CPNE1: variants seen among roughly 807,000 people sequenced by gnomAD.
CPNE1 encodes the protein copine 1.
In CPNE1, 58 loss-of-function variants were observed where a neutral mutation model predicts 63.2. That is an observed-to-expected ratio of 0.92 (90% CI 0.74 to 1.14). CPNE1 has a LOEUF of 1.14. CPNE1 is among the 50% of genes most tolerant of loss of function. CPNE1 has a pLI of 0.00. For synonymous variants in CPNE1, 237 were observed against 249.0 expected (o/e 0.95, Z 0.45); for missense variants, 672 against 661.7 (o/e 1.02, Z -0.17).
chr20:35,635,058 T>C (rs1269929335), intron 1 of CPNE1, among the ~76,000 whole-genome samples: 1 of 151,976 alleles, frequency 6.6e-6, no homozygotes, highest in East Asian at 1.9e-4. Context: ...AGTTTGTTTC[T>C]ACCCCAAACA....
chr20:35,655,087 A>G, intron 1 of CPNE1: 1 of 1,614,136 alleles, frequency 6.2e-7, no homozygotes, highest in Non-Finnish European at 8.5e-7. Flanking sequence ...CATATTCTGC[A>G]TTTCCGTCTT....
chr20:35,642,406 T>C (rs569727520), intron 1 of CPNE1, among the ~76,000 whole-genome samples: 1 of 152,320 alleles, frequency 6.6e-6, no homozygotes, highest in Admixed American at 6.5e-5. Context: ...ACCAATGTCA[T>C]GCTCACACTC....
intron 1 of CPNE1, among the ~76,000 whole-genome samples, chr20:35,645,761 C>T (rs1335604663): frequency 1.3e-5 from 2 of 152,176 alleles, no homozygotes; most frequent in African/African-American, 2.4e-5. Flanking sequence ...AGCACAGGGA[C>T]CCTACTGGTC....
intron 1 of CPNE1, among the ~76,000 whole-genome samples, chr20:35,637,375 G>C (rs931302305): frequency 1.3e-5 from 2 of 152,026 alleles, no homozygotes; most frequent in Non-Finnish European, 2.9e-5. Flanking sequence ...TGGTAGTTTT[G>C]CAATCTGGTA....
intron 1 of CPNE1, among the ~76,000 whole-genome samples, chr20:35,641,573 A>AAT (rs2032812974): frequency 6.6e-6 from 1 of 152,228 alleles, no homozygotes; most frequent in Non-Finnish European, 1.5e-5. Context: ...TCTGAAGATT[A>AAT]ATATAAATAA....
chr20:35,655,549 G>C (rs995371529), intron 1 of CPNE1, among the ~76,000 whole-genome samples: 7 of 152,102 alleles, frequency 4.6e-5, no homozygotes, highest in African/African-American at 1.7e-4. Flanking sequence ...CTTCCAGAAG[G>C]CATTAATTTT....
At chr20:35,654,308 C>A (rs1568937595) in intron 1 of CPNE1, 1 of 1,614,094 alleles carries the variant, frequency 6.2e-7, no homozygotes, top group South Asian at 1.1e-5. Context: ...TTTCGACCTA[C>A]ATGATCTTTC....
chr20:35,643,490 A>C (rs1355022449), intron 1 of CPNE1: 1 of 152,196 alleles, frequency 6.6e-6, no homozygotes, highest in African/African-American at 2.4e-5. Flanking sequence ...AGTGGCTCAC[A>C]CCTGTAATCC....
Position 35,661,431 on chromosome 20 carries a change from T to C in CPNE1, c.-1+3329A>G, listed in dbSNP as rs576425162. Among the ~76,000 whole-genome samples the C allele has an allele frequency of 7.2e-5, 11 of 152,206 alleles. No homozygotes were observed. The South Asian group carries it at 1.9e-3, about 26-fold the overall frequency. On this transcript the variant is annotated intron_variant, in intron 1 of 15. Coordinates refer to ENST00000397443, the MANE Select transcript of CPNE1 (RefSeq NM_152925.3). ...AAAATAATAACTAAACAATAAAACA[T>C]CTAAAATACATATTCTATCTATACA... is the stretch of plus-strand genomic sequence containing the variant.
intron 1 of CPNE1, among the ~76,000 whole-genome samples, chr20:35,659,576 C>T (rs2034116891): frequency 6.6e-6 from 1 of 152,174 alleles, no homozygotes; most frequent in South Asian, 2.1e-4. Context: ...ACTAATTCCA[C>T]TGGAGCTCAA....
chr20:35,639,301 C>T (rs2032667277), intron 1 of CPNE1, among the ~76,000 whole-genome samples: 1 of 151,812 alleles, frequency 6.6e-6, no homozygotes, highest in Non-Finnish European at 1.5e-5. Context: ...TTCAACTTTG[C>T]TACATGTTGA....
chr20:35,626,487 G>A, intron 15 of CPNE1, 80 bp downstream of exon 15: 1 of 1,587,382 alleles, frequency 6.3e-7, no homozygotes, highest in Non-Finnish European at 8.6e-7. Flanking sequence ...GAAAAGGTGA[G>A]CATCCCTTGG....
intron 6 of CPNE1, 61 bp downstream of exon 6, chr20:35,631,884 A>AG: frequency 6.4e-7 from 1 of 1,562,756 alleles, no homozygotes; most frequent in Non-Finnish European, 8.8e-7. Flanking sequence ...AAACCTTGCT[A>AG]GTCACAGGCC....
At chr20:35,633,903 G>GCACTCGGCTCACT (rs377134519) in intron 1 of CPNE1, among the ~76,000 whole-genome samples, 21,693 of 147,678 alleles carry the variant, frequency 0.15, 1,619 homozygotes, top group Middle Eastern at 0.2. Flanking sequence ...AGGTTGCAGT[G>GCACTCGGCTCACT]AGCCGAGACT....
intron 1 of CPNE1, among the ~76,000 whole-genome samples, chr20:35,638,098 A>G (rs1568918886): frequency 6.6e-6 from 1 of 152,166 alleles, no homozygotes; most frequent in African/African-American, 2.4e-5. Flanking sequence ...CCTGTAAACT[A>G]TGGGGTCCTT....
At chr20:35,629,016 ATATTTT>A (rs2031947018) in intron 13 of CPNE1, among the ~76,000 whole-genome samples, 1 of 152,268 alleles carries the variant, frequency 6.6e-6, no homozygotes, top group Non-Finnish European at 1.5e-5. Flanking sequence ...ACATAAACAC[ATATTTT>A]TAATCTTTTT....
chr20:35,644,283 G>C (rs181175798), intron 1 of CPNE1, among the ~76,000 whole-genome samples: 1 of 152,220 alleles, frequency 6.6e-6, no homozygotes, highest in Admixed American at 6.5e-5. Context: ...GAATGCCTCT[G>C]GTCTACCTGC....
At chr20:35,654,110 G>A in intron 1 of CPNE1, 1 of 1,614,214 alleles carries the variant, frequency 6.2e-7, no homozygotes, top group Non-Finnish European at 8.5e-7. Flanking sequence ...AGTGTCTGAG[G>A]AGGGGGATGA....
rs775394811 is a variant in CPNE1, at chr20:35,626,520, G to A, written c.1473+47C>T. 10 of 1,599,500 alleles carry A rather than the reference G, an allele frequency of 6.3e-6. No individual in the cohort carries two copies. The South Asian group carries it at 9.9e-5, about 16-fold the overall frequency. On this transcript the variant is annotated intron_variant, in intron 15 of 15. Coordinates refer to ENST00000397443, the MANE Select transcript of CPNE1 (RefSeq NM_152925.3). The stretch of plus-strand genomic sequence containing the variant: ...TGGGCCTCAACCCTACTCACATCAG[G>A]GAAAGGTGAAAGGGTAAACTCCCAG...
Sources: gnomAD v4.1 joint callset for allele counts (sites outside exome capture counted in the v4.1 genomes callset) on GRCh38, gnomAD v4.1.1 for gene constraint, MANE v1.5 for transcripts, NCBI Gene and HGNC (gene_info 2026-07-23, HGNC 2026-07-21) for gene names.